LOC728743: variants seen among roughly 807,000 people sequenced by gnomAD.
chr7:150,411,699 C>G, the LOC728743 span: 1 of 152,218 alleles, frequency 6.6e-6, no homozygotes, highest in African/African-American at 2.4e-5. Context: ...GGGGGAGATC[C>G]GAGAACGAGA....
At chr7:150,406,702 A>G in the LOC728743 span, among the ~76,000 whole-genome samples, 1 of 152,144 alleles carries the variant, frequency 6.6e-6, no homozygotes, top group Non-Finnish European at 1.5e-5. Flanking sequence ...TGGGAAGAGG[A>G]TCCTTTGGAG....
At chr7:150,408,018 C>G in the LOC728743 span, 1 of 397,436 alleles carries the variant, frequency 2.5e-6, no homozygotes, top group Non-Finnish European at 4.4e-6. Flanking sequence ...TTCCGCGAGC[C>G]GCGCTTCCTG....
At chr7:150,410,391 G>T in the LOC728743 span, 31 of 388,560 alleles carry the variant, frequency 8.0e-5, no homozygotes, top group Non-Finnish European at 5.4e-5. Context: ...TCCAGGCCTG[G>T]TGGGAATCAC....
chr7:150,406,251 G>A, the LOC728743 span, among the ~76,000 whole-genome samples: 1 of 152,226 alleles, frequency 6.6e-6, no homozygotes, highest in African/African-American at 2.4e-5. Flanking sequence ...GGCCTTCGGG[G>A]AGGTCCAGTG....
chr7:150,405,167 C>T, the LOC728743 span: 1 of 152,268 alleles, frequency 6.6e-6, no homozygotes, highest in African/African-American at 2.4e-5. Flanking sequence ...CGCTCCGGCC[C>T]GGGCGGGCGC....
the LOC728743 span, chr7:150,408,106 C>G: frequency 7.9e-6 from 3 of 380,334 alleles, no homozygotes; most frequent in African/African-American, 4.2e-5. Flanking sequence ...AGCGGCGGCC[C>G]TACTTCTGCC....
At chr7:150,402,225 G>A in the LOC728743 span, among the ~76,000 whole-genome samples, 1 of 152,230 alleles carries the variant, frequency 6.6e-6, no homozygotes, top group South Asian at 2.1e-4. Flanking sequence ...AAGCAGGCCT[G>A]CTGCAAGTTT....
chr7:150,404,094 T>A, the LOC728743 span, among the ~76,000 whole-genome samples: 2 of 152,316 alleles, frequency 1.3e-5, no homozygotes, highest in Non-Finnish European at 1.5e-5. Context: ...AACCACCACA[T>A]CCATTGTCTG....
At chr7:150,404,913 TCCGGCG>T in the LOC728743 span, 1 of 152,268 alleles carries the variant, frequency 6.6e-6, no homozygotes, top group Non-Finnish European at 1.5e-5. Flanking sequence ...GCCGCCGGGC[TCCGGCG>T]CTCAGCCCAT....
the LOC728743 span, among the ~76,000 whole-genome samples, chr7:150,409,208 G>A: frequency 5.3e-5 from 8 of 151,066 alleles, no homozygotes; most frequent in African/African-American, 2.0e-4. Flanking sequence ...GCCCTACAAA[G>A]GACTTCGTGG....
chr7:150,403,914 G>A, the LOC728743 span, among the ~76,000 whole-genome samples: 1 of 152,214 alleles, frequency 6.6e-6, no homozygotes. This position sits in a 1 kb window ranked among gnomAD's most constrained non-coding sequence, Gnocchi z 5.1. Flanking sequence ...CTCCAGGCCT[G>A]GTGTTGGGAG....
At chr7:150,410,036 T>C in the LOC728743 span, 6 of 397,812 alleles carry the variant, frequency 1.5e-5, no homozygotes, top group African/African-American at 1.2e-4. Flanking sequence ...GAGGATTCAT[T>C]CAAACCCTAG....
the LOC728743 span, among the ~76,000 whole-genome samples, chr7:150,403,733 G>A: frequency 1.7e-3 from 261 of 152,242 alleles, 2 homozygotes; most frequent in African/African-American, 5.9e-3. This position sits in a 1 kb window ranked among gnomAD's most constrained non-coding sequence, Gnocchi z 5.1. Flanking sequence ...TCCGTGGGAC[G>A]TGGAACTCCT....
chr7:150,406,422 G>A, the LOC728743 span, among the ~76,000 whole-genome samples: 1 of 152,176 alleles, frequency 6.6e-6, no homozygotes, highest in African/African-American at 2.4e-5. Flanking sequence ...CTCTGTGACG[G>A]CTGGGATGGT....
the LOC728743 span, among the ~76,000 whole-genome samples, chr7:150,408,975 A>C: frequency 6.6e-6 from 1 of 152,036 alleles, no homozygotes; most frequent in African/African-American, 2.4e-5. Context: ...GGGTGCTCAC[A>C]CTCGGTGTGT....
At chr7:150,407,959 C>T in the LOC728743 span, 5 of 406,552 alleles carry the variant, frequency 1.2e-5, no homozygotes, top group Non-Finnish European at 2.2e-5. Flanking sequence ...CGCACCAGCG[C>T]ATCCACAGCG....
the LOC728743 span, chr7:150,410,030 A>G: frequency 2.5e-6 from 1 of 397,634 alleles, no homozygotes; most frequent in East Asian, 3.6e-5. Flanking sequence ...GACAAAGAGG[A>G]TTCATTCAAA....
the LOC728743 span, chr7:150,404,519 A>G: frequency 1.3e-5 from 2 of 152,282 alleles, no homozygotes; most frequent in East Asian, 3.8e-4. Flanking sequence ...GGTAGGGTGC[A>G]CATGGTTATT....
At chr7:150,408,368 CCGCCG>C in the LOC728743 span, 1 of 363,402 alleles carries the variant, frequency 2.8e-6, no homozygotes, top group East Asian at 4.1e-5. Flanking sequence ...AAGGTGTGGG[CCGCCG>C]CCAGGCTCCG....
Sources: allele counts gnomAD v4.1 joint callset (sites outside exome capture counted in the v4.1 genomes callset), GRCh38; gene constraint gnomAD v4.1.1; non-coding constraint Gnocchi (gnomAD v3.1); transcripts MANE v1.5.